Variants in GPC5 observed in about 807,000 individuals in gnomAD.
GPC5 encodes glypican-5.
GPC5 carries 47 observed loss-of-function variants against 53.9 expected under a neutral mutation model. The ratio of observed to expected loss-of-function variants is 0.87; its 90% CI spans 0.69 to 1.11. The LOEUF (loss-of-function observed/expected upper bound fraction) is 1.11, where lower values mean the gene tolerates loss of function less well. GPC5 is among the 50% of genes most tolerant of loss of function. The pLI, the probability that GPC5 is intolerant of heterozygous loss-of-function variation, is 0.00. For synonymous variants in GPC5, 286 were observed against 263.3 expected, an observed-to-expected ratio of 1.09 and a Z score of -0.84; for missense variants, 748 against 713.1, an observed-to-expected ratio of 1.05 and a Z score of -0.56.
intron 7 of GPC5, among the ~76,000 whole-genome samples, chr13:92,174,022 T>C (rs2042089390): frequency 6.6e-6 from 1 of 151,774 alleles, no homozygotes; most frequent in African/African-American, 2.4e-5. Context: ...GGAGGATCAC[T>C]TGAGTCCAGG....
intron 3 of GPC5, among the ~76,000 whole-genome samples, chr13:91,719,846 T>C (rs1273078121): frequency 6.6e-6 from 1 of 152,118 alleles, no homozygotes; most frequent in Non-Finnish European, 1.5e-5. Flanking sequence ...TTTTTTCTCT[T>C]ATTTCTCTCT....
chr13:92,684,936 T>A (rs1180861497), intron 7 of GPC5, among the ~76,000 whole-genome samples: 1 of 152,180 alleles, frequency 6.6e-6, no homozygotes, highest in Admixed American at 6.5e-5. Context: ...GCCATTATAA[T>A]AGGTATGTAG....
chr13:91,597,655 G>A (rs1228363318), intron 2 of GPC5, among the ~76,000 whole-genome samples: 1 of 152,166 alleles, frequency 6.6e-6, no homozygotes, highest in Non-Finnish European at 1.5e-5. Context: ...TTTTTGTTAG[G>A]TACATGAGGA....
rs1878299848 is a variant in GPC5, at chr13:92,838,481, C to G, written c.1562-27801C>G. On this transcript the variant is annotated intron_variant, in intron 7 of 7. Coordinates refer to ENST00000377067, the MANE Select transcript of GPC5 (RefSeq NM_004466.6). ...CTGGGCTACAGAGTGAGACTCCGCG[C>G]CCCCCCCAAAAAAAAAAAGAAAAAA... Among the ~76,000 whole-genome samples, 3 of 122,262 alleles carry G rather than the reference C, an allele frequency of 2.5e-5. No homozygotes were observed. The South Asian group carries it at 7.8e-4, about 32-fold the overall frequency. 80.2% of individuals were successfully genotyped at this position (122,262 alleles called of 152,430 possible). A position where few individuals can be genotyped will look rare whatever the true frequency, so the allele number is the denominator to read the frequency against.
At chr13:91,980,976 C>G (rs77764713) in intron 6 of GPC5, among the ~76,000 whole-genome samples, 5,143 of 152,224 alleles carry the variant, frequency 0.034, 307 homozygotes, top group African/African-American at 0.12. Flanking sequence ...AAAGACTATA[C>G]CAACATTTTT....
At chr13:92,105,288 T>C (rs1364166389) in intron 6 of GPC5, among the ~76,000 whole-genome samples, 1 of 152,160 alleles carries the variant, frequency 6.6e-6, no homozygotes, top group Non-Finnish European at 1.5e-5. Context: ...CAATGGTATT[T>C]ATTTAAATGC....
intron 7 of GPC5, among the ~76,000 whole-genome samples, chr13:92,385,558 A>G (rs1468883041): frequency 1.4e-5 from 2 of 144,990 alleles, no homozygotes; most frequent in Admixed American, 7.1e-5. Flanking sequence ...ACATATATGC[A>G]TATATACATA....
intron 2 of GPC5, among the ~76,000 whole-genome samples, chr13:91,590,018 C>A (rs1052236411): frequency 1.3e-5 from 2 of 151,648 alleles, no homozygotes; most frequent in Non-Finnish European, 2.9e-5. Flanking sequence ...TATGTAAATG[C>A]TTTTGAATTT....
intron 7 of GPC5, among the ~76,000 whole-genome samples, chr13:92,798,885 T>G (rs1876800730): frequency 6.6e-6 from 1 of 151,898 alleles, no homozygotes; most frequent in South Asian, 2.1e-4. Context: ...AGTTTTATGA[T>G]TTGCAACAAT....
At chr13:91,642,105 G>T (rs953572906) in intron 2 of GPC5, among the ~76,000 whole-genome samples, 3 of 152,124 alleles carry the variant, frequency 2.0e-5, no homozygotes, top group Non-Finnish European at 4.4e-5. Context: ...CTATCTAGGA[G>T]GAGATATTTG....
chr13:91,893,394 C>T (rs2039408436), intron 5 of GPC5, among the ~76,000 whole-genome samples: 1 of 151,986 alleles, frequency 6.6e-6, no homozygotes, highest in Admixed American at 6.6e-5. Flanking sequence ...AGGTTTATCA[C>T]TATATATTTT....
At chr13:92,051,194 T>C (rs1271527439) in intron 6 of GPC5, among the ~76,000 whole-genome samples, 2 of 130,636 alleles carry the variant, frequency 1.5e-5, no homozygotes, top group Non-Finnish European at 3.1e-5. Flanking sequence ...GCATTTCATT[T>C]TTTTCTTTTT....
At chr13:91,521,624 T>C (rs978441465) in intron 2 of GPC5, among the ~76,000 whole-genome samples, 1 of 152,234 alleles carries the variant, frequency 6.6e-6, no homozygotes, top group Non-Finnish European at 1.5e-5. Flanking sequence ...TATTTTTTTC[T>C]ATTCTTTCAT....
intron 6 of GPC5, among the ~76,000 whole-genome samples, chr13:92,094,959 T>G (rs2041410663): frequency 6.6e-6 from 1 of 152,124 alleles, no homozygotes; most frequent in Admixed American, 6.5e-5. Context: ...CATTTGTAAA[T>G]GTAGTTTTCA....
chr13:92,243,923 G>C (rs2139119517), intron 7 of GPC5, among the ~76,000 whole-genome samples: 1 of 152,262 alleles, frequency 6.6e-6, no homozygotes, highest in East Asian at 1.9e-4. Flanking sequence ...AGCAAAGGAA[G>C]CTGAGAAAAT....
intron 7 of GPC5, among the ~76,000 whole-genome samples, chr13:92,749,989 C>A (rs1257023504): frequency 2.0e-5 from 3 of 152,168 alleles, no homozygotes; most frequent in Non-Finnish European, 2.9e-5. Flanking sequence ...CTGAGCTATG[C>A]AGCTTGATAA....
At chr13:92,343,049 T>C (rs1049377302) in intron 7 of GPC5, among the ~76,000 whole-genome samples, 1 of 152,212 alleles carries the variant, frequency 6.6e-6, no homozygotes, top group Non-Finnish European at 1.5e-5. Context: ...AGATAATACA[T>C]GAAACTATAC....
chr13:92,844,008 C>A (rs1268494453), intron 7 of GPC5, among the ~76,000 whole-genome samples: 2 of 151,248 alleles, frequency 1.3e-5, no homozygotes, highest in South Asian at 4.2e-4. Context: ...TGTGCTAGAG[C>A]TGGAAGACAC....
intron 6 of GPC5, among the ~76,000 whole-genome samples, chr13:91,957,392 T>C (rs999093743): frequency 2.0e-5 from 3 of 152,126 alleles, no homozygotes; most frequent in African/African-American, 7.2e-5. Context: ...GGGAAAGGAA[T>C]AGAAAACCTA....
Sources: gnomAD v4.1 joint callset for allele counts (sites outside exome capture counted in the v4.1 genomes callset) on GRCh38, gnomAD v4.1.1 for gene constraint, MANE v1.5 for transcripts, NCBI Gene and HGNC (gene_info 2026-07-23, HGNC 2026-07-21) for gene names.